FKBP5: variants seen among roughly 807,000 people sequenced by gnomAD.
FKBP5 encodes peptidyl-prolyl cis-trans isomerase FKBP5.
In FKBP5, 23 loss-of-function variants were observed where a neutral mutation model predicts 50.5. That is an observed-to-expected ratio of 0.46 (90% CI 0.33 to 0.65). The LOEUF is 0.65. Among genes scored for constraint, FKBP5 ranks in the 30% least tolerant of loss-of-function variants. FKBP5 has a pLI of 0.02. For missense variants in FKBP5, 411 were observed against 553.1 expected (o/e 0.74, Z 2.58); for synonymous variants, 176 against 190.6 (o/e 0.92, Z 0.63).
At chr6:35,645,410 C>T (rs528040754) in intron 1 of FKBP5, among the ~76,000 whole-genome samples, 2 of 151,878 alleles carry the variant, frequency 1.3e-5, no homozygotes, top group Non-Finnish European at 2.9e-5. Flanking sequence ...CCAGCCTGGG[C>T]CGAAGGGTGA....
At position 35,716,342 on chromosome 6, in the gene FKBP5, G is replaced by A. The variant is rs149091791; in HGVS notation, c.-20+3986C>T. ...GAGCTACGATTGTGCCACCGCACTC[G>A]TCTAGGCAACAGAAATCCTGACTCT... On this transcript the variant is annotated intron_variant, in intron 2 of 11. Coordinates refer to the FKBP5 transcript ENST00000536438. 2.8e-3 allele frequency among the ~76,000 whole-genome samples: 430 copies of A among 152,208 alleles called. 3 individuals are homozygous for A. Among genetic ancestry groups the A allele is most frequent in the African/African-American group, 7.5e-3 (311 of 41,514 alleles).
At chr6:35,635,993 G>A (rs185554967) in intron 3 of FKBP5, among the ~76,000 whole-genome samples, 1 of 152,354 alleles carries the variant, frequency 6.6e-6, no homozygotes, top group Admixed American at 6.5e-5. Context: ...TGTGGAAACT[G>A]AAAGTGTATC....
chr6:35,668,366 G>A (rs112907923), intron 1 of FKBP5, among the ~76,000 whole-genome samples: 109 of 152,258 alleles, frequency 7.2e-4, no homozygotes, highest in African/African-American at 2.5e-3. Flanking sequence ...TATCCCTTTG[G>A]CTACCACAAC....
intron 1 of FKBP5, among the ~76,000 whole-genome samples, chr6:35,721,594 C>A (rs1766612123): frequency 6.6e-6 from 1 of 152,078 alleles, no homozygotes; most frequent in Non-Finnish European, 1.5e-5. Context: ...CAGCTGGGAC[C>A]ACAGCCATGC....
At chr6:35,642,980 G>T in intron 1 of FKBP5, 137 bp from the exon 2 acceptor site, 1 of 601,274 alleles carries the variant, frequency 1.7e-6, no homozygotes, top group Non-Finnish European at 2.9e-6. Flanking sequence ...TGAAAACAAA[G>T]GCATTTGCTA....
intron 5 of FKBP5, among the ~76,000 whole-genome samples, chr6:35,600,543 T>A (rs79347762): frequency 3.4e-5 from 5 of 148,750 alleles, no homozygotes; most frequent in Non-Finnish European, 1.5e-5. Flanking sequence ...ACACTTTTCA[T>A]AAAAAAAAAA....
chr6:35,707,344 G>C lies in FKBP5; in HGVS notation c.-20+12984C>G, dbSNP rs1464401694. ...CAATTCTCCTGCCTCAGCCTCCCGA[G>C]TAGCTGGGATTACAGGCATGCACCA... On this transcript the variant is annotated intron_variant, in intron 2 of 11. Coordinates refer to the FKBP5 transcript ENST00000536438. 2.0e-5 allele frequency among the ~76,000 whole-genome samples: 3 copies of C among 151,130 alleles called. No individual in the cohort carries two copies. In the East Asian group the frequency reaches 5.8e-4, roughly 29 times the overall value.
chr6:35,652,172 C>T (rs1271421994), intron 1 of FKBP5, among the ~76,000 whole-genome samples: 1 of 152,228 alleles, frequency 6.6e-6, no homozygotes, highest in Admixed American at 6.5e-5. Context: ...TTACTTTAAT[C>T]TCTTAATCCT....
At chr6:35,652,267 A>AC (rs1764823362) in intron 1 of FKBP5, among the ~76,000 whole-genome samples, 209 of 152,346 alleles carry the variant, frequency 1.4e-3, no homozygotes, top group African/African-American at 4.9e-3. Context: ...GTGTTTGAGC[A>AC]ATATGAAATG....
At position 35,575,328 on chromosome 6, in the gene FKBP5, G is replaced by T. The variant is rs545108030; in HGVS notation, c.*507C>A. On this transcript the variant is annotated 3_prime_UTR_variant, in exon 11 of 11. Transcript: ENST00000357266. ...ATGAGACCCCTCTACTGTGGGTTCT[G>T]TTGGTTAAAAATGCAACAGACTACA... is the stretch of plus-strand genomic sequence containing the variant. The T allele has an allele frequency of 6.5e-6, 1 of 154,492 alleles. No individual in the cohort carries two copies. Among genetic ancestry groups the T allele is most frequent in the Admixed American group, 6.4e-5 (1 of 15,662 alleles). The allele number at this position is 154,492 out of a possible 1,614,324, so 9.6% of individuals were successfully genotyped here. A position where few individuals can be genotyped will look rare whatever the true frequency, so the allele number is the denominator to read the frequency against.
intron 5 of FKBP5, among the ~76,000 whole-genome samples, chr6:35,601,177 T>G (rs2150966206): frequency 6.6e-6 from 1 of 152,280 alleles, no homozygotes; most frequent in East Asian, 1.9e-4. Context: ...ATCTAACCCT[T>G]CACAATTGGA....
intron 3 of FKBP5, among the ~76,000 whole-genome samples, chr6:35,634,552 G>GCA (rs1441739177): frequency 6.6e-6 from 1 of 152,168 alleles, no homozygotes; most frequent in African/African-American, 2.4e-5. Context: ...GATACAGGAA[G>GCA]CAGGGAAGGC....
intron 5 of FKBP5, among the ~76,000 whole-genome samples, chr6:35,602,087 A>T (rs970512884): frequency 6.6e-5 from 10 of 152,038 alleles, no homozygotes; most frequent in African/African-American, 2.4e-4. Flanking sequence ...AGCACAGAAC[A>T]CCCTGTTCTG....
chr6:35,580,371 C>T, intron 8 of FKBP5, 150 bp from the exon 9 acceptor site: 2 of 685,052 alleles, frequency 2.9e-6, no homozygotes, highest in Non-Finnish European at 5.0e-6. Flanking sequence ...GGTACCTTTC[C>T]CACTCCCTTG....
At position 35,643,751 on chromosome 6, in the gene FKBP5, T is replaced by C. The variant is rs11964534; in HGVS notation, c.-19-908A>G. ...TTCTGTCATACCAACCTTGACCCTC[T>C]ATTTGTAGGCCATTTTGCCCTTTTA... On this transcript the variant is annotated intron_variant, in intron 1 of 10. Transcript: ENST00000357266. Among the ~76,000 whole-genome samples the C allele has an allele frequency of 7.4e-3, 1,121 of 152,304 alleles. 12 individuals carry two copies. Among genetic ancestry groups the C allele is most frequent in the African/African-American group, 0.023 (969 of 41,550 alleles).
At chr6:35,726,422 TC>T (rs1333691367) in intron 1 of FKBP5, among the ~76,000 whole-genome samples, 1 of 151,946 alleles carries the variant, frequency 6.6e-6, no homozygotes, top group Admixed American at 6.6e-5. Context: ...CCCAATCCTA[TC>T]CCCCCAACCT....
intron 1 of FKBP5, among the ~76,000 whole-genome samples, chr6:35,644,657 A>G (rs1764581511): frequency 6.6e-6 from 1 of 152,220 alleles, no homozygotes; most frequent in Non-Finnish European, 1.5e-5. Flanking sequence ...ACAAACAACA[A>G]AAATTATGTA....
upstream of FKBP5, chr6:35,688,981 C>T (rs917755161): frequency 6.6e-6 from 1 of 151,886 alleles, no homozygotes; most frequent in East Asian, 2.0e-4. Flanking sequence ...CCCAGCCGGC[C>T]GCAGGACCCG....
chr6:35,625,257 T>C (rs188077738), intron 3 of FKBP5, among the ~76,000 whole-genome samples: 28 of 152,170 alleles, frequency 1.8e-4, no homozygotes, highest in Non-Finnish European at 3.4e-4. Flanking sequence ...GTAATTTTTG[T>C]ATTTTTTGGT....
Sources: allele counts gnomAD v4.1 joint callset (sites outside exome capture counted in the v4.1 genomes callset), GRCh38; gene constraint gnomAD v4.1.1; transcripts MANE v1.5; gene names NCBI Gene and HGNC (gene_info 2026-07-23, HGNC 2026-07-21).